PDE4B: variants seen among roughly 807,000 people sequenced by gnomAD.
PDE4B encodes phosphodiesterase 4B.
Under a neutral mutation model 82.2 loss-of-function variants are expected in PDE4B, and 20 were observed. That is an observed-to-expected ratio of 0.24 (90% CI 0.17 to 0.35). The LOEUF (loss-of-function observed/expected upper bound fraction) is 0.35. PDE4B is among the 10% of genes least tolerant of loss of function. The pLI is 1.00. For missense variants in PDE4B, 655 were observed against 907.2 expected (o/e 0.72, Z 3.57); for synonymous variants, 320 against 318.9 (o/e 1.00, Z -0.04).
intron 3 of PDE4B, among the ~76,000 whole-genome samples, chr1:66,010,189 A>T (rs1038707485): frequency 6.6e-6 from 1 of 152,100 alleles, no homozygotes; most frequent in Non-Finnish European, 1.5e-5. Flanking sequence ...CTGAGGCCCC[A>T]TGTTGAATGG....
At chr1:65,805,535 C>A (rs779710747) in intron 1 of PDE4B, among the ~76,000 whole-genome samples, 47 of 152,036 alleles carry the variant, frequency 3.1e-4, no homozygotes, top group Non-Finnish European at 6.3e-4. Flanking sequence ...AATCATTGTG[C>A]AGCTTTTTTT....
At chr1:66,138,661 C>CA (rs1646109439) in intron 3 of PDE4B, among the ~76,000 whole-genome samples, 1 of 152,236 alleles carries the variant, frequency 6.6e-6, no homozygotes, top group Non-Finnish European at 1.5e-5. Context: ...TTTGTTAATA[C>CA]AACACTAATG....
At chr1:66,274,212 G>A (rs570192652) in intron 7 of PDE4B, among the ~76,000 whole-genome samples, 32 of 151,698 alleles carry the variant, frequency 2.1e-4, no homozygotes, top group African/African-American at 7.0e-4. Context: ...CCAGGCTAGA[G>A]AGCAATGGTA....
At chr1:65,990,413 C>A (rs558906498) in intron 3 of PDE4B, among the ~76,000 whole-genome samples, 13 of 152,088 alleles carry the variant, frequency 8.5e-5, no homozygotes, top group African/African-American at 2.9e-4. Flanking sequence ...TTTGTAACTT[C>A]AAATTGCTGG....
intron 1 of PDE4B, among the ~76,000 whole-genome samples, chr1:65,856,633 A>G (rs1010825898): frequency 2.0e-5 from 3 of 152,198 alleles, no homozygotes; most frequent in African/African-American, 2.4e-5. Context: ...TAGTGCTGCA[A>G]TAAACATATG....
intron 3 of PDE4B, among the ~76,000 whole-genome samples, chr1:65,946,019 C>T (rs1648692863): frequency 1.3e-5 from 2 of 151,974 alleles, no homozygotes; most frequent in Admixed American, 1.3e-4. Context: ...CAGTGCTACT[C>T]TGTGGTACAA....
rs1315519415 is a variant in PDE4B, at chr1:65,979,318, CTG to C, written c.281+60486_281+60487del. ...TGCCTTTGGCGGAGCTCCTGTTTCT[CTG>C]TGAATCATTCCTTGGTACACAGTGT... On this transcript the variant is annotated intron_variant, in intron 3 of 16. Transcript: ENST00000341517. Among the ~76,000 whole-genome samples, 3 of 152,332 alleles carry C rather than the reference CTG, an allele frequency of 2.0e-5. No individual in the cohort carries two copies. The South Asian group carries it at 6.2e-4, about 32-fold the overall frequency.
chr1:66,104,641 T>A (rs1429598734), intron 3 of PDE4B, among the ~76,000 whole-genome samples: 3 of 148,688 alleles, frequency 2.0e-5, no homozygotes, highest in Admixed American at 6.8e-5. Flanking sequence ...CTAACTGGTG[T>A]GAGATGGTAT....
At chr1:66,313,612 G>T (rs1487228935) in intron 7 of PDE4B, among the ~76,000 whole-genome samples, 1 of 152,180 alleles carries the variant, frequency 6.6e-6, no homozygotes, top group Non-Finnish European at 1.5e-5. Flanking sequence ...GAAATCTCCT[G>T]CATTAAGCTT....
chr1:66,011,249 A>T (rs1454276226), intron 3 of PDE4B, among the ~76,000 whole-genome samples: 3 of 146,608 alleles, frequency 2.0e-5, no homozygotes, highest in Non-Finnish European at 4.5e-5. Context: ...AGAACTGGTG[A>T]GTTCTTTAGC....
chr1:65,864,423 A>G (rs2100268958), intron 1 of PDE4B, among the ~76,000 whole-genome samples: 1 of 152,124 alleles, frequency 6.6e-6, no homozygotes. Flanking sequence ...AGTTGCGATC[A>G]TTTGGAGAAG....
chr1:66,348,406 T>C (rs1040058854), intron 8 of PDE4B, among the ~76,000 whole-genome samples: 1 of 152,180 alleles, frequency 6.6e-6, no homozygotes, highest in Non-Finnish European at 1.5e-5. Context: ...GTTCCTTTTT[T>C]TGTCTTTCTC....
chr1:66,094,571 G>A (rs999641790), intron 3 of PDE4B: 1 of 151,980 alleles, frequency 6.6e-6, no homozygotes, highest in African/African-American at 2.4e-5. Context: ...AAAACTAAAA[G>A]CCACTCTCTT....
intron 3 of PDE4B, among the ~76,000 whole-genome samples, chr1:66,159,932 A>G (rs1461510143): frequency 6.6e-6 from 1 of 152,188 alleles, no homozygotes; most frequent in Admixed American, 6.5e-5. Flanking sequence ...AGACATTTAT[A>G]GTTTTGTCAA....
intron 3 of PDE4B, among the ~76,000 whole-genome samples, chr1:66,082,260 A>C (rs568308316): frequency 6.6e-6 from 1 of 152,080 alleles, no homozygotes; most frequent in African/African-American, 2.4e-5. Context: ...CTGGCTGAGA[A>C]CAAGGAGCCT....
chr1:66,165,351 C>T (rs1646707367), intron 3 of PDE4B, among the ~76,000 whole-genome samples: 2 of 152,004 alleles, frequency 1.3e-5, no homozygotes, highest in South Asian at 4.2e-4. Context: ...TTTTCTAAGA[C>T]TATTATCTGA....
chr1:65,876,513 A>G (rs540027494), intron 1 of PDE4B, among the ~76,000 whole-genome samples: 17 of 152,142 alleles, frequency 1.1e-4, no homozygotes, highest in Non-Finnish European at 2.1e-4. Context: ...AAATGGAAAT[A>G]TTATTGTATT....
At chr1:65,913,211 G>A in intron 1 of PDE4B, 34 bp from the exon 2 acceptor site, 1 of 898,198 alleles carries the variant, frequency 1.1e-6, no homozygotes, top group Non-Finnish European at 1.8e-6. Context: ...AGGATACAGA[G>A]CTGTTCTTTT....
chr1:66,042,992 T>C (rs1249837295), intron 3 of PDE4B, among the ~76,000 whole-genome samples: 2 of 151,738 alleles, frequency 1.3e-5, no homozygotes, highest in Non-Finnish European at 3.0e-5. Context: ...GAAATTCATG[T>C]GTTCTTTTCA....
Sources: gnomAD v4.1 joint callset for allele counts (sites outside exome capture counted in the v4.1 genomes callset) on GRCh38, gnomAD v4.1.1 for gene constraint, MANE v1.5 for transcripts, NCBI Gene and HGNC (gene_info 2026-07-23, HGNC 2026-07-21) for gene names.